COMMD6: variants seen among roughly 807,000 people sequenced by gnomAD.
The protein encoded by COMMD6 is COMM domain-containing protein 6.
In COMMD6, 11 loss-of-function variants were observed where a neutral mutation model predicts 13.4. That is an observed-to-expected ratio of 0.82 (90% CI 0.52 to 1.36). The LOEUF (loss-of-function observed/expected upper bound fraction) is 1.36, where lower values mean the gene tolerates loss of function less well. COMMD6 is among the 40% of genes most tolerant of loss of function. The pLI, the probability that COMMD6 is intolerant of heterozygous loss-of-function variation, is 0.00. For synonymous variants in COMMD6, 43 were observed against 36.5 expected (o/e 1.18, Z -0.64); for missense variants, 124 against 102.4 (o/e 1.21, Z -0.91).
At chr13:75,540,337 C>T (rs1008422800), upstream of COMMD6, among the ~76,000 whole-genome samples, 8 of 98,830 alleles carry the variant, frequency 8.1e-5, no homozygotes, top group African/African-American at 1.3e-4. Flanking sequence ...CACACACACA[C>T]ACACACCCAC....
intron 2 of COMMD6, among the ~76,000 whole-genome samples, chr13:75,534,601 C>T (rs2030598351): frequency 6.6e-6 from 1 of 151,930 alleles, no homozygotes; most frequent in African/African-American, 2.4e-5. Context: ...AAACAATGTG[C>T]GGTAGCCCCA....
At chr13:75,544,303 A>G (rs558391179) in intron 1 of COMMD6, among the ~76,000 whole-genome samples, 2 of 152,354 alleles carry the variant, frequency 1.3e-5, no homozygotes, top group East Asian at 3.9e-4. Context: ...AAAACAATCT[A>G]TATCAGAAAC....
intron 2 of COMMD6, chr13:75,537,336 A>G (rs1284513996): frequency 6.4e-7 from 1 of 1,550,396 alleles, no homozygotes; most frequent in East Asian, 2.4e-5. Flanking sequence ...TTGCGGTGCT[A>G]TCTCTGCAAA....
At chr13:75,526,684 A>G in intron 3 of COMMD6, 45 bp from the exon 4 acceptor site, 1 of 1,330,406 alleles carries the variant, frequency 7.5e-7, no homozygotes, top group Non-Finnish European at 1.1e-6. Context: ...CTTTTAGAAG[A>G]TATTTAAGTA....
intron 3 of COMMD6, among the ~76,000 whole-genome samples, chr13:75,528,062 A>G (rs1395557584): frequency 6.6e-6 from 1 of 151,942 alleles, no homozygotes; most frequent in East Asian, 1.9e-4. Context: ...CCAAAAAAAA[A>G]AAAGGTAACT....
intron 3 of COMMD6, chr13:75,527,998 T>A: frequency 1.8e-6 from 1 of 565,106 alleles, no homozygotes; most frequent in Non-Finnish European, 2.4e-6. Context: ...TTACATGCCC[T>A]CAGCACACAC....
At chr13:75,528,530 G>A (rs1182192058) in intron 3 of COMMD6, among the ~76,000 whole-genome samples, 1 of 152,158 alleles carries the variant, frequency 6.6e-6, no homozygotes, top group Non-Finnish European at 1.5e-5. Context: ...AAATCAGGCT[G>A]AGCATGGTGG....
At chr13:75,548,448 C>T (rs951598867) in intron 1 of COMMD6, among the ~76,000 whole-genome samples, 8 of 152,192 alleles carry the variant, frequency 5.3e-5, no homozygotes, top group Non-Finnish European at 1.2e-4. Context: ...CCTAACTGCT[C>T]TCTACCTGAA....
chr13:75,527,551 A>G (rs1468291324), intron 3 of COMMD6, among the ~76,000 whole-genome samples: 1 of 152,236 alleles, frequency 6.6e-6, no homozygotes, highest in Non-Finnish European at 1.5e-5. Flanking sequence ...TCTCTTTAAA[A>G]GAGTTGCCTC....
chr13:75,530,080 G>A (rs1356219137), intron 3 of COMMD6, 34 bp downstream of exon 3: 1 of 1,551,484 alleles, frequency 6.4e-7, no homozygotes. Flanking sequence ...TTACAGAAAA[G>A]CTGAGCTAAA....
chr13:75,544,983 G>A (rs1489944314), intron 1 of COMMD6, among the ~76,000 whole-genome samples: 1 of 150,444 alleles, frequency 6.6e-6, no homozygotes, highest in African/African-American at 2.4e-5. Context: ...CTGGTTTAGA[G>A]AAACACAGCT....
At chr13:75,533,279 T>A (rs1191799310) in intron 2 of COMMD6, among the ~76,000 whole-genome samples, 2 of 151,686 alleles carry the variant, frequency 1.3e-5, no homozygotes, top group Non-Finnish European at 2.9e-5. Context: ...GATTAATGGA[T>A]ATTCAGGCTG....
At chr13:75,535,116 A>T (rs1266454588) in intron 2 of COMMD6, among the ~76,000 whole-genome samples, 2 of 151,340 alleles carry the variant, frequency 1.3e-5, no homozygotes, top group Non-Finnish European at 2.9e-5. Context: ...GAACAGAAAG[A>T]GACTCGAATA....
chr13:75,545,505 C>T (rs995687653), intron 1 of COMMD6, among the ~76,000 whole-genome samples: 2 of 150,946 alleles, frequency 1.3e-5, no homozygotes, highest in East Asian at 1.9e-4. Flanking sequence ...CTTGCTCTGT[C>T]ACCCAGGCTG....
upstream of COMMD6, among the ~76,000 whole-genome samples, chr13:75,542,755 G>T (rs780851038): frequency 6.6e-6 from 1 of 152,216 alleles, no homozygotes; most frequent in Non-Finnish European, 1.5e-5. Context: ...AAAGATGAAA[G>T]GTAGAGGCAG....
Position 75,530,156 on chromosome 13 carries a change from T to C in COMMD6, c.165A>G (p.Gln55=). 6.2e-7 allele frequency: 1 copy of C among 1,613,922 alleles called. No individual in the cohort carries two copies. The highest frequency in any genetic ancestry group is 1.1e-5 in the South Asian group (1 of 91,066). Residue 55 remains glutamine, a synonymous_variant, in exon 3 of 4, where the codon CAA becomes CAG. Coordinates refer to ENST00000682242, the MANE Select transcript of COMMD6 (RefSeq NM_203495.4). ...VMLKVADHSG[Q]VKTKCFEMTI... Reference sequence around the variant, plus strand: ...TCATTTCAAAGCACTTGGTCTTTACTTGGCCTGAATGATCTGCCACTTTTA... The same window carrying C: ...TCATTTCAAAGCACTTGGTCTTTACCTGGCCTGAATGATCTGCCACTTTTA...
chr13:75,542,762 G>T (rs1313764802), upstream of COMMD6, among the ~76,000 whole-genome samples: 1 of 152,218 alleles, frequency 6.6e-6, no homozygotes, highest in African/African-American at 2.4e-5. Context: ...AAAGGTAGAG[G>T]CAGAGGAGTT....
intron 2 of COMMD6, among the ~76,000 whole-genome samples, chr13:75,536,340 C>A (rs1270109977): frequency 6.6e-6 from 1 of 152,202 alleles, no homozygotes; most frequent in Non-Finnish European, 1.5e-5. Context: ...ATCATATAAT[C>A]TGTGAATGAC....
At chr13:75,544,939 A>AAAAAAAAAAC (rs1453539568) in intron 1 of COMMD6, among the ~76,000 whole-genome samples, 2 of 151,150 alleles carry the variant, frequency 1.3e-5, no homozygotes, top group African/African-American at 4.9e-5. Flanking sequence ...AAAAAAAAAA[A>AAAAAAAAAAC]AAACAAAAAA....
Sources: allele counts gnomAD v4.1 joint callset (sites outside exome capture counted in the v4.1 genomes callset), GRCh38; gene constraint gnomAD v4.1.1; transcripts MANE v1.5; gene names NCBI Gene and HGNC (gene_info 2026-07-23, HGNC 2026-07-21).